Variants in CACNA1A observed in about 807,000 individuals in gnomAD.
The protein encoded by CACNA1A is voltage-dependent P/Q-type calcium channel subunit alpha-1A.
Under a neutral mutation model 262.4 loss-of-function variants are expected in CACNA1A, and 57 were observed. That is an observed-to-expected ratio of 0.22 (90% CI 0.18 to 0.27). The LOEUF (loss-of-function observed/expected upper bound fraction) is 0.27. CACNA1A is among the 10% of genes least tolerant of loss of function. The probability of loss-of-function intolerance (pLI) is 1.00; values close to 1 mark genes in which losing one functional copy is unlikely to be tolerated. For missense variants in CACNA1A, 2,526 were observed against 3,562.8 expected, an observed-to-expected ratio of 0.71 and a Z score of 7.41; for synonymous variants, 1,431 against 1,419.3, an observed-to-expected ratio of 1.01 and a Z score of -0.18.
chr19:13,368,720 T>C (rs983217613), intron 4 of CACNA1A, among the ~76,000 whole-genome samples: 1 of 152,108 alleles, frequency 6.6e-6, no homozygotes, highest in Non-Finnish European at 1.5e-5. Flanking sequence ...CGAGGGGCCA[T>C]GCCACTCCAA....
chr19:13,437,056 G>A (rs544085395), intron 3 of CACNA1A, among the ~76,000 whole-genome samples: 8 of 152,334 alleles, frequency 5.3e-5, no homozygotes, highest in African/African-American at 1.7e-4. Flanking sequence ...CAGATACAGA[G>A]GAGGGAGCAT....
intron 3 of CACNA1A, among the ~76,000 whole-genome samples, chr19:13,374,537 A>G (rs1267922904): frequency 6.6e-6 from 1 of 152,100 alleles, no homozygotes; most frequent in Non-Finnish European, 1.5e-5. Context: ...GGTATGAGCT[A>G]CTGCACTTGG....
chr19:13,502,804 T>G (rs759811341), intron 1 of CACNA1A, among the ~76,000 whole-genome samples: 9 of 151,930 alleles, frequency 5.9e-5, no homozygotes, highest in Non-Finnish European at 1.2e-4. Context: ...TTGCCCCGAG[T>G]GTGGAGAAAG....
intron 3 of CACNA1A, among the ~76,000 whole-genome samples, chr19:13,397,970 T>C (rs2059837075): frequency 6.7e-6 from 1 of 149,348 alleles, no homozygotes; most frequent in Admixed American, 6.7e-5. Context: ...TAAGAATACA[T>C]TTTTTTTTTG....
At position 13,257,561 on chromosome 19, in the gene CACNA1A, A is replaced by G. The variant is rs1313809326; in HGVS notation, c.4389-10T>C. The G allele has an allele frequency of 6.4e-7, 1 of 1,561,318 alleles. No individual in the cohort carries two copies. The highest frequency in any genetic ancestry group is 1.9e-5 in the Admixed American group (1 of 51,820). On this transcript the variant is annotated splice_polypyrimidine_tract_variant and intron_variant, in intron 27 of 46. Transcript: ENST00000360228. ...CGAATGCTTGAGGACCCTGCAAGGA[A>G]TGGGGCAGGGAGAGGGAAGGGGCAG...
intron 3 of CACNA1A, among the ~76,000 whole-genome samples, chr19:13,431,946 A>T (rs2060512659): frequency 6.6e-6 from 1 of 151,450 alleles, no homozygotes; most frequent in South Asian, 2.1e-4. Flanking sequence ...CCCTACTAAA[A>T]ATACAAAAAT....
At chr19:13,501,184 C>T (rs963972211) in intron 1 of CACNA1A, among the ~76,000 whole-genome samples, 10 of 126,144 alleles carry the variant, frequency 7.9e-5, no homozygotes, top group African/African-American at 2.8e-4. Context: ...ATAAATTATA[C>T]ATCAATAAAT....
intron 19 of CACNA1A, among the ~76,000 whole-genome samples, chr19:13,292,236 G>A (rs918000132): frequency 7.2e-5 from 11 of 152,154 alleles, no homozygotes; most frequent in Admixed American, 4.6e-4. Flanking sequence ...TAGAATGTGC[G>A]TCAGTCCACT....
In CACNA1A at chr19:13,307,710, T is replaced by C. The variant is rs550895726; in HGVS notation, c.1986+72A>G. ...GAAGGAGGAGTTCAGGGAAGCCCCT[T>C]GGATGTGGAGCAGGCACTTTCATCT... On this transcript the variant is annotated intron_variant, in intron 15 of 46. Coordinates refer to ENST00000360228, the MANE Select transcript of CACNA1A (RefSeq NM_001127222.2). The C allele has an allele frequency of 4.7e-6, 6 of 1,280,092 alleles. No individual in the cohort carries two copies. In the East Asian group the frequency reaches 1.4e-4, roughly 30 times the overall value. 79.3% of individuals were successfully genotyped at this position (1,280,092 alleles called of 1,614,324 possible). A position where few individuals can be genotyped will look rare whatever the true frequency, so the allele number is the denominator to read the frequency against.
chr19:13,327,321 A>C (rs754086353), intron 10 of CACNA1A, among the ~76,000 whole-genome samples: 10 of 151,952 alleles, frequency 6.6e-5, no homozygotes, highest in Non-Finnish European at 7.4e-5. Flanking sequence ...CTTTTTGAGT[A>C]ATCAGGCTGA....
rs140375060 is a variant in CACNA1A at position 13,415,875 on chromosome 19, T to G, written c.539+37001A>C. On this transcript the variant is annotated intron_variant, in intron 3 of 46. Coordinates refer to ENST00000360228, the MANE Select transcript of CACNA1A (RefSeq NM_001127222.2). Reference sequence around the variant, plus strand: ...GAGCTGTCCAAGGTCACCTAGCAAGTGAGGGACAGATCTGGGATCAGAAGA... The same window carrying G: ...GAGCTGTCCAAGGTCACCTAGCAAGGGAGGGACAGATCTGGGATCAGAAGA... Among the ~76,000 whole-genome samples, 384 of 149,700 alleles carry G rather than the reference T, an allele frequency of 2.6e-3. 1 individual carries two copies. The highest frequency in any genetic ancestry group is 8.9e-3 in the African/African-American group (362 of 40,588).
At chr19:13,288,382 A>G (rs1425772507) in intron 19 of CACNA1A, among the ~76,000 whole-genome samples, 1 of 151,680 alleles carries the variant, frequency 6.6e-6, no homozygotes, top group Non-Finnish European at 1.5e-5. Context: ...TGGGATTACC[A>G]GCGTGCACCA....
chr19:13,226,447 G>GCAT (rs1453528337), intron 37 of CACNA1A: 2 of 152,468 alleles, frequency 1.3e-5, no homozygotes, highest in African/African-American at 4.8e-5. Flanking sequence ...GGTACAAATA[G>GCAT]CATTGATGGA....
At chr19:13,210,815 G>A in intron 43 of CACNA1A, 163 bp from the exon 44 acceptor site, 1 of 785,708 alleles carries the variant, frequency 1.3e-6, no homozygotes, top group Non-Finnish European at 2.1e-6. Context: ...GGGAGGAAAA[G>A]AAAAGTTAAA....
intron 11 of CACNA1A, 22 bp from the exon 12 acceptor site, chr19:13,312,803 CAG>C (rs2058058804): frequency 1.5e-6 from 2 of 1,319,114 alleles, no homozygotes; most frequent in East Asian, 2.6e-5. Flanking sequence ...AAGGAGGAAA[CAG>C]AGAGGAGGTT....
intron 1 of CACNA1A, among the ~76,000 whole-genome samples, chr19:13,472,002 G>A (rs777200318): frequency 3.3e-5 from 5 of 152,180 alleles, no homozygotes; most frequent in Admixed American, 1.3e-4. Flanking sequence ...TCACTCTGTT[G>A]CTCAAGCTAG....
Position 13,307,921 on chromosome 19 carries a change from T to G in CACNA1A, c.1914-67A>C, listed in dbSNP as rs2057940878. 6.8e-6 allele frequency: 10 copies of G among 1,469,434 alleles called. No homozygotes were observed. In the East Asian group the frequency reaches 2.3e-4, roughly 33 times the overall value. The allele number at this position is 1,469,434 out of a possible 1,614,324, so 91.0% of individuals were successfully genotyped here. On this transcript the variant is annotated intron_variant, in intron 14 of 46. Coordinates refer to ENST00000360228, the MANE Select transcript of CACNA1A (RefSeq NM_001127222.2). ...GGTGCTCTGAGGGTGTGGCTCAGTATCTCATCTCCAAGGAAACGAACGTCT... is the reference window on the plus strand; with the variant it reads ...GGTGCTCTGAGGGTGTGGCTCAGTAGCTCATCTCCAAGGAAACGAACGTCT...
At chr19:13,254,515 A>G (rs1395586182) in intron 29 of CACNA1A, among the ~76,000 whole-genome samples, 1 of 151,810 alleles carries the variant, frequency 6.6e-6, no homozygotes, top group Admixed American at 6.6e-5. Context: ...GATGCGCACC[A>G]CCACGCCTGG....
chr19:13,212,252 G>A lies in CACNA1A; in HGVS notation c.6190-36C>T. On this transcript the variant is annotated intron_variant, in intron 42 of 46. Coordinates refer to ENST00000360228, the MANE Select transcript of CACNA1A (RefSeq NM_001127222.2). This position sits in a 1 kb window ranked among gnomAD's most constrained non-coding sequence, Gnocchi z 5.6. ...GATGGCAAAGCCAGATGAGCTCTGG[G>A]GCCTGACCTCCAGATCCCTGGTGTC... is the stretch of plus-strand genomic sequence containing the variant. 6.3e-7 allele frequency: 1 copy of A among 1,595,016 alleles called. No homozygotes were observed. The highest frequency in any genetic ancestry group is 8.6e-7 in the Non-Finnish European group (1 of 1,163,490).
Sources: gnomAD v4.1 joint callset for allele counts (sites outside exome capture counted in the v4.1 genomes callset) on GRCh38, gnomAD v4.1.1 for gene constraint, Gnocchi (gnomAD v3.1) non-coding constraint, MANE v1.5 for transcripts, NCBI Gene and HGNC (gene_info 2026-07-23, HGNC 2026-07-21) for gene names.